The following SYNPR variants were observed in gnomAD, a reference collection of about 807,000 sequenced individuals.
SYNPR encodes the protein synaptoporin.
Under a neutral mutation model 32.9 loss-of-function variants are expected in SYNPR, and 23 were observed. That is an observed-to-expected ratio of 0.70 (90% CI 0.50 to 0.99). The LOEUF (loss-of-function observed/expected upper bound fraction) is 0.99, where lower values mean the gene tolerates loss of function less well. Ranked by LOEUF, SYNPR falls within the 50% of genes least tolerant of loss-of-function variation. The pLI is 0.00. For missense variants in SYNPR, 318 were observed against 349.3 expected, an observed-to-expected ratio of 0.91 and a Z score of 0.71; for synonymous variants, 146 against 135.9, an observed-to-expected ratio of 1.07 and a Z score of -0.52.
intron 2 of SYNPR, among the ~76,000 whole-genome samples, chr3:63,368,205 C>T (rs572707950): frequency 4.6e-5 from 7 of 152,244 alleles, no homozygotes; most frequent in South Asian, 2.1e-4. Context: ...GAACTATGCA[C>T]GTTTCATTCA....
At position 63,558,613 on chromosome 3, in the gene SYNPR, C is replaced by T. The variant is rs1702630833; in HGVS notation, c.408+1872C>T. Among the ~76,000 whole-genome samples the T allele has an allele frequency of 3.3e-5, 5 of 152,246 alleles. No individual in the cohort carries two copies. The South Asian group carries it at 1.0e-3, about 32-fold the overall frequency. ...TCGGCCTCCCAAAGTGCTGAGATTACAGGCATAAGCCACTCTACCTGGCTA... is the reference window on the plus strand; with the variant it reads ...TCGGCCTCCCAAAGTGCTGAGATTATAGGCATAAGCCACTCTACCTGGCTA... On this transcript the variant is annotated intron_variant, in intron 4 of 5. Coordinates refer to ENST00000478300, the MANE Select transcript of SYNPR (RefSeq NM_001130003.2).
chr3:63,544,851 T>TACTC (rs1702372284), intron 3 of SYNPR, among the ~76,000 whole-genome samples: 1 of 151,976 alleles, frequency 6.6e-6, no homozygotes, highest in African/African-American at 2.4e-5. Flanking sequence ...AAGTACAATA[T>TACTC]ACTCCATCAT....
intron 2 of SYNPR, among the ~76,000 whole-genome samples, chr3:63,253,214 C>G (rs1442768778): frequency 6.6e-6 from 1 of 151,860 alleles, no homozygotes; most frequent in African/African-American, 2.4e-5. Context: ...TTAATAGCAG[C>G]TAAAGGCCAT....
At chr3:63,224,071 G>C (rs1004760370), upstream of SYNPR, among the ~76,000 whole-genome samples, 5 of 152,160 alleles carry the variant, frequency 3.3e-5, no homozygotes, top group Non-Finnish European at 5.9e-5. Flanking sequence ...GTTCAAAATG[G>C]AAAGAAATGA....
Position 63,591,902 on chromosome 3 carries a change from C to A in SYNPR, c.409-17223C>A, listed in dbSNP as rs1406502331. 3.4e-5 allele frequency among the ~76,000 whole-genome samples: 5 copies of A among 145,030 alleles called. No homozygotes were observed. In the East Asian group the frequency reaches 1.1e-3, roughly 31 times the overall value. On this transcript the variant is annotated intron_variant, in intron 4 of 5. Coordinates refer to ENST00000478300, the MANE Select transcript of SYNPR (RefSeq NM_001130003.2). ...CAGCGCACCAGCATGGCACATGTAC[C>A]CTAAAACTTAAAGTATAATAAAAAA...
At chr3:63,252,030 TG>T (rs2086336516) in intron 1 of SYNPR, among the ~76,000 whole-genome samples, 1 of 151,794 alleles carries the variant, frequency 6.6e-6, no homozygotes, top group Non-Finnish European at 1.5e-5. Flanking sequence ...CTCCATGGTA[TG>T]GGGGTACCAT....
At chr3:63,216,949 T>A in the SYNPR span, among the ~76,000 whole-genome samples, 1 of 29,232 alleles carries the variant, frequency 3.4e-5, no homozygotes, top group African/African-American at 1.2e-4. Flanking sequence ...CAGCTGCAGG[T>A]CTGTTGGAAT....
intron 3 of SYNPR, among the ~76,000 whole-genome samples, chr3:63,509,424 T>G (rs1264142289): frequency 6.6e-6 from 1 of 151,902 alleles, no homozygotes; most frequent in Non-Finnish European, 1.5e-5. Flanking sequence ...AATAAATCTT[T>G]TCTAAGGAAG....
In SYNPR at chr3:63,401,317, A is replaced by G. The variant is rs539027328; in HGVS notation, c.85-79515A>G. ...ACTCAGGCCATCCACGAATCAAATAAATGCTTGATGAGAGCCATTTAGTTA... is the reference window on the plus strand; with the variant it reads ...ACTCAGGCCATCCACGAATCAAATAGATGCTTGATGAGAGCCATTTAGTTA... On this transcript the variant is annotated intron_variant, in intron 2 of 5. Coordinates refer to ENST00000478300, the MANE Select transcript of SYNPR (RefSeq NM_001130003.2). Among the ~76,000 whole-genome samples the G allele has an allele frequency of 1.1e-3, 164 of 152,294 alleles. 1 individual carries two copies. Among genetic ancestry groups the G allele is most frequent in the Non-Finnish European group, 1.3e-3 (91 of 68,016 alleles).
chr3:63,505,984 C>A (rs1000266121), intron 3 of SYNPR, among the ~76,000 whole-genome samples: 1 of 152,128 alleles, frequency 6.6e-6, no homozygotes, highest in Non-Finnish European at 1.5e-5. Context: ...ATAGCTCTGT[C>A]TGTTGTTCTG....
chr3:63,370,666 ATC>A (rs1262209548), intron 2 of SYNPR, among the ~76,000 whole-genome samples: 1 of 152,172 alleles, frequency 6.6e-6, no homozygotes, highest in East Asian at 1.9e-4. Context: ...TTCTAGATGG[ATC>A]TCTCAGCACT....
chr3:63,406,120 T>G (rs986759047), intron 2 of SYNPR, among the ~76,000 whole-genome samples: 1 of 151,982 alleles, frequency 6.6e-6, no homozygotes, highest in Non-Finnish European at 1.5e-5. Flanking sequence ...CCAGAGCCTG[T>G]GTTCTCACTG....
chr3:63,240,946 T>G (rs1341194552), intron 1 of SYNPR, among the ~76,000 whole-genome samples: 4 of 152,044 alleles, frequency 2.6e-5, no homozygotes, highest in Admixed American at 6.6e-5. Flanking sequence ...ATGCATCTTT[T>G]GACAGCGCCA....
At position 63,361,235 on chromosome 3, in the gene SYNPR, G is replaced by A. The variant is rs74967807; in HGVS notation, c.84+82493G>A. On this transcript the variant is annotated intron_variant, in intron 2 of 5. Transcript: ENST00000478300. ...TAAAATTACACCTGCAGGATGGTGT[G>A]CAATGAAGGAATTGTGGTTCCCTGA... Among the ~76,000 whole-genome samples, 800 of 152,136 alleles carry A rather than the reference G, an allele frequency of 5.3e-3. 9 individuals are homozygous for A. Among genetic ancestry groups the A allele is most frequent in the African/African-American group, 0.019 (777 of 41,528 alleles).
In SYNPR at chr3:63,494,393, TTATATA is replaced by T. The variant is rs60624781; in HGVS notation, c.209+13456_209+13461del. On this transcript the variant is annotated intron_variant, in intron 3 of 5. Coordinates refer to ENST00000478300, the MANE Select transcript of SYNPR (RefSeq NM_001130003.2). ...AAAAGTAGGGTGGATATGTTAATTC[TTATATA>T]TATATATATATATATATACGTATAT... Among the ~76,000 whole-genome samples, 57 of 54,950 alleles carry T rather than the reference TTATATA, an allele frequency of 1.0e-3. 1 individual carries two copies. The highest frequency in any genetic ancestry group is 3.5e-3 in the African/African-American group (54 of 15,416). 36.0% of individuals were successfully genotyped at this position (54,950 alleles called of 152,430 possible). A position where few individuals can be genotyped will look rare whatever the true frequency, so the allele number is the denominator to read the frequency against.
At chr3:63,544,023 A>C (rs907219892) in intron 3 of SYNPR, among the ~76,000 whole-genome samples, 3 of 152,052 alleles carry the variant, frequency 2.0e-5, no homozygotes, top group Admixed American at 2.0e-4. Context: ...TTTGTGGGCC[A>C]GGTTAAGGGG....
At chr3:63,203,067 TGTATATATATATATATATATATA>T in the SYNPR span, among the ~76,000 whole-genome samples, 1 of 27,998 alleles carries the variant, frequency 3.6e-5, no homozygotes. Flanking sequence ...TATATGTATG[TGTATATATATATATATATATATA>T]TATATATATA....
intron 3 of SYNPR, among the ~76,000 whole-genome samples, chr3:63,542,369 T>C (rs2106806345): frequency 1.3e-5 from 2 of 152,186 alleles, no homozygotes; most frequent in East Asian, 3.9e-4. Context: ...GCCCCCTTCG[T>C]TGGGGATACT....
At chr3:63,257,631 C>A (rs1350364618) in intron 2 of SYNPR, among the ~76,000 whole-genome samples, 2 of 152,046 alleles carry the variant, frequency 1.3e-5, no homozygotes, top group African/African-American at 4.8e-5. Flanking sequence ...ATTGTAAAGA[C>A]CATTGAGGCT....
Sources: allele counts gnomAD v4.1 joint callset (sites outside exome capture counted in the v4.1 genomes callset), GRCh38; gene constraint gnomAD v4.1.1; transcripts MANE v1.5; gene names NCBI Gene and HGNC (gene_info 2026-07-23, HGNC 2026-07-21).